The following IL1RAPL2 variants were observed in gnomAD, a reference collection of about 807,000 sequenced individuals.
IL1RAPL2 encodes interleukin 1 receptor accessory protein like 2, also known as X-linked interleukin-1 receptor accessory protein-like 2.
A neutral mutation model predicts 44.1 loss-of-function variants in IL1RAPL2; 3 were observed. The observed-to-expected ratio is 0.07, with a 90% CI of 0.03 to 0.18. IL1RAPL2 has a LOEUF of 0.18. IL1RAPL2 is among the 10% of genes least tolerant of loss of function. The probability of loss-of-function intolerance (pLI) is 1.00; values close to 1 mark genes in which losing one functional copy is unlikely to be tolerated. For synonymous variants in IL1RAPL2, 181 were observed against 178.8 expected, an observed-to-expected ratio of 1.01 and a Z score of -0.10; for missense variants, 391 against 496.4, an observed-to-expected ratio of 0.79 and a Z score of 2.02.
intron 5 of IL1RAPL2, among the ~76,000 whole-genome samples, chrX:105,467,587 G>A (rs1489526485): frequency 9.0e-6 from 1 of 111,003 alleles, no homozygotes; most frequent in Non-Finnish European, 1.9e-5. Flanking sequence ...AGGCAGTCCA[G>A]GGTTGGTATA....
At chrX:105,354,164 A>C (rs939399702) in intron 5 of IL1RAPL2, among the ~76,000 whole-genome samples, 6 of 111,498 alleles carry the variant, frequency 5.4e-5, no homozygotes, top group African/African-American at 2.0e-4. Context: ...ATATACCCAA[A>C]GGATTATAAA....
intron 2 of IL1RAPL2, among the ~76,000 whole-genome samples, chrX:104,903,223 G>GA (rs1158036432): frequency 8.9e-6 from 1 of 111,837 alleles, no homozygotes; most frequent in Admixed American, 9.5e-5. Flanking sequence ...AATGAATTGT[G>GA]AAAAAAATAC....
At chrX:104,616,160 G>A (rs1289888729) in intron 1 of IL1RAPL2, among the ~76,000 whole-genome samples, 4 of 111,940 alleles carry the variant, frequency 3.6e-5, no homozygotes, top group African/African-American at 6.5e-5. Context: ...AATTTTCTCC[G>A]CTCTGTATGT....
At chrX:105,542,192 G>A (rs181170486) in intron 6 of IL1RAPL2, among the ~76,000 whole-genome samples, 2 of 112,024 alleles carry the variant, frequency 1.8e-5, no homozygotes, top group Non-Finnish European at 1.9e-5. Flanking sequence ...CTGAATTTCC[G>A]TAATATTGTA....
chrX:105,592,425 T>A (rs907124795), intron 6 of IL1RAPL2, among the ~76,000 whole-genome samples: 9 of 111,820 alleles, frequency 8.0e-5, no homozygotes, highest in Admixed American at 1.9e-4. Flanking sequence ...ATCTCATTCT[T>A]GTTCAAGGTT....
chrX:104,740,169 G>T (rs1434317984), intron 2 of IL1RAPL2, among the ~76,000 whole-genome samples: 1 of 111,138 alleles, frequency 9.0e-6, no homozygotes. Context: ...ATCTGTAATT[G>T]CTTGCAACAG....
chrX:105,070,776 A>C (rs1043055081), intron 2 of IL1RAPL2, among the ~76,000 whole-genome samples: 29 of 110,194 alleles, frequency 2.6e-4, no homozygotes, highest in Non-Finnish European at 5.1e-4. Context: ...ACAATATAAA[A>C]GTATACAGAA....
intron 5 of IL1RAPL2, among the ~76,000 whole-genome samples, chrX:105,325,689 A>G (rs1280756350): frequency 9.2e-6 from 1 of 108,432 alleles, no homozygotes; most frequent in African/African-American, 3.4e-5. Flanking sequence ...TTACATTTGC[A>G]CTAACAATGT....
At chrX:104,733,198 C>T (rs1347465009) in intron 2 of IL1RAPL2, among the ~76,000 whole-genome samples, 3 of 111,411 alleles carry the variant, frequency 2.7e-5, no homozygotes, top group African/African-American at 9.8e-5. Flanking sequence ...TACCTCTAAG[C>T]AACAGGAAAT....
At chrX:105,220,068 G>T in intron 3 of IL1RAPL2, 1 of 1,211,583 alleles carries the variant, frequency 8.3e-7, no homozygotes, top group Non-Finnish European at 1.1e-6. Flanking sequence ...GCTTCTTCAG[G>T]TCTGATGCCA....
intron 5 of IL1RAPL2, among the ~76,000 whole-genome samples, chrX:105,363,316 T>TATATATATA (rs1556299133): frequency 1.1e-5 from 1 of 89,233 alleles, no homozygotes; most frequent in East Asian, 3.2e-4. Flanking sequence ...ATAATATATA[T>TATATATATA]ATATATATAT....
intron 6 of IL1RAPL2, among the ~76,000 whole-genome samples, chrX:105,688,685 C>T (rs1239425006): frequency 1.8e-5 from 2 of 111,857 alleles, no homozygotes; most frequent in African/African-American, 3.3e-5. Flanking sequence ...CCCCATCAAG[C>T]TACCAATGAC....
chrX:104,730,076 T>C (rs367761861), intron 2 of IL1RAPL2, among the ~76,000 whole-genome samples: 1 of 110,855 alleles, frequency 9.0e-6, no homozygotes, highest in Non-Finnish European at 1.9e-5. Context: ...TACTTAATGA[T>C]AAAAGACAAA....
intron 5 of IL1RAPL2, among the ~76,000 whole-genome samples, chrX:105,429,826 C>CTA (rs1451276114): frequency 9.0e-6 from 1 of 111,216 alleles, no homozygotes; most frequent in African/African-American, 3.3e-5. Flanking sequence ...AACCCGTGGG[C>CTA]TATAGATAGC....
At chrX:105,371,222 G>A (rs1331030606) in intron 5 of IL1RAPL2, among the ~76,000 whole-genome samples, 1 of 111,927 alleles carries the variant, frequency 8.9e-6, no homozygotes, top group East Asian at 2.8e-4. Context: ...CTGTGAAGAA[G>A]TTCTTTAGTT....
chrX:104,935,794 A>ACAGGACCT (rs1925011376), intron 2 of IL1RAPL2, among the ~76,000 whole-genome samples: 1 of 111,736 alleles, frequency 8.9e-6, no homozygotes. Flanking sequence ...GTATGATCTT[A>ACAGGACCT]CAGGATCTCA....
At chrX:105,574,520 G>A (rs1022092923) in intron 6 of IL1RAPL2, among the ~76,000 whole-genome samples, 3 of 111,903 alleles carry the variant, frequency 2.7e-5, no homozygotes, top group African/African-American at 6.5e-5. Context: ...TGATAATCAC[G>A]TCTGAGAATA....
At chrX:105,431,237 G>A (rs1331533217) in intron 5 of IL1RAPL2, among the ~76,000 whole-genome samples, 2 of 112,128 alleles carry the variant, frequency 1.8e-5, no homozygotes, top group Non-Finnish European at 3.8e-5. Context: ...TGAATAGGAT[G>A]AAAAGTTAAG....
chrX:105,669,999 T>TTTG (rs1458285661), intron 6 of IL1RAPL2, among the ~76,000 whole-genome samples: 3 of 101,045 alleles, frequency 3.0e-5, no homozygotes, highest in African/African-American at 1.1e-4. Flanking sequence ...TCTAGCACCA[T>TTTG]TTGTTGAAAA....
Sources: allele counts gnomAD v4.1 joint callset (sites outside exome capture counted in the v4.1 genomes callset), GRCh38; gene constraint gnomAD v4.1.1; transcripts MANE v1.5; gene names NCBI Gene and HGNC (gene_info 2026-07-23, HGNC 2026-07-21).